Variants in FRY observed in about 807,000 individuals in gnomAD.
FRY encodes FRY microtubule binding protein, also known as protein furry homolog.
A neutral mutation model predicts 348.4 loss-of-function variants in FRY; 128 were observed. That is an observed-to-expected ratio of 0.37 (90% confidence interval 0.32 to 0.43). FRY has a LOEUF of 0.43. Among genes scored for constraint, FRY ranks in the 20% least tolerant of loss-of-function variants. FRY has a pLI of 1.00. For synonymous variants in FRY, 1,370 were observed against 1,374.7 expected (o/e 1.00, Z 0.08); for missense variants, 2,736 against 3,695.2 (o/e 0.74, Z 6.73).
At chr13:32,227,106 G>T (rs1311504357) in intron 39 of FRY, among the ~76,000 whole-genome samples, 5 of 152,104 alleles carry the variant, frequency 3.3e-5, no homozygotes, top group Non-Finnish European at 7.4e-5. Flanking sequence ...CACTGATATG[G>T]TATAAATGAT....
At chr13:32,050,645 G>A (rs1415914450) in intron 1 of FRY, among the ~76,000 whole-genome samples, 2 of 152,174 alleles carry the variant, frequency 1.3e-5, no homozygotes, top group Non-Finnish European at 2.9e-5. Context: ...AGTTGAATCA[G>A]ATTCTCCCAG....
chr13:32,052,292 C>T (rs1191538544), intron 1 of FRY, among the ~76,000 whole-genome samples: 3 of 152,134 alleles, frequency 2.0e-5, no homozygotes, highest in Non-Finnish European at 4.4e-5. Context: ...ATATATATGA[C>T]TACATGCATT....
intron 1 of FRY, among the ~76,000 whole-genome samples, chr13:32,054,831 C>T (rs927686551): frequency 1.1e-4 from 16 of 152,022 alleles, no homozygotes; most frequent in Admixed American, 9.2e-4. Context: ...GCTGAGATTG[C>T]GCCACTGCAC....
chr13:32,223,679 G>A (rs1885433603), intron 36 of FRY, among the ~76,000 whole-genome samples: 1 of 152,102 alleles, frequency 6.6e-6, no homozygotes, highest in South Asian at 2.1e-4. Flanking sequence ...CTAGCTACTT[G>A]GGAGGCTAAG....
At chr13:32,143,470 T>C (rs990876719) in intron 11 of FRY, among the ~76,000 whole-genome samples, 4 of 152,094 alleles carry the variant, frequency 2.6e-5, no homozygotes, top group African/African-American at 9.7e-5. Context: ...AATAAGATGC[T>C]AGAAAAATGG....
intron 2 of FRY, among the ~76,000 whole-genome samples, chr13:32,098,759 C>T (rs766951716): frequency 2.6e-5 from 4 of 152,014 alleles, no homozygotes; most frequent in Non-Finnish European, 4.4e-5. Context: ...GCATTTGACG[C>T]ATTGTGAACC....
intron 51 of FRY, among the ~76,000 whole-genome samples, chr13:32,259,847 TC>T (rs1887538734): frequency 6.6e-6 from 1 of 152,132 alleles, no homozygotes; most frequent in East Asian, 1.9e-4. Flanking sequence ...TTAGCCATTT[TC>T]TACCAAAAAA....
intron 57 of FRY, 124 bp from the exon 58 acceptor site, chr13:32,278,341 T>A: frequency 2.8e-6 from 2 of 702,854 alleles, no homozygotes; most frequent in Non-Finnish European, 5.3e-6. Context: ...CAAAAAGTCA[T>A]TACAGCACAA....
chr13:32,072,889 C>T (rs991245926), intron 1 of FRY, among the ~76,000 whole-genome samples: 1 of 152,196 alleles, frequency 6.6e-6, no homozygotes, highest in African/African-American at 2.4e-5. Context: ...AAAGAAATCT[C>T]ATAATTTACT....
Position 32,239,420 on chromosome 13 carries a change from A to T in FRY, c.6516+71A>T. ...AGGACGCCCTAGTGTCAGGCAAATT[A>T]CAAGGCCCAGAGATGGCAGTGATTT... is the stretch of plus-strand genomic sequence containing the variant. On this transcript the variant is annotated intron_variant, in intron 45 of 60. Coordinates refer to ENST00000542859, the MANE Select transcript of FRY (RefSeq NM_023037.3). This position sits in a 1 kb window ranked among gnomAD's most constrained non-coding sequence, Gnocchi z 4.3. 1 of 908,456 alleles carries T rather than the reference A, an allele frequency of 1.1e-6. No individual in the cohort carries two copies. Among genetic ancestry groups the T allele is most frequent in the African/African-American group, 1.6e-5 (1 of 61,684 alleles). 56.3% of individuals were successfully genotyped at this position (908,456 alleles called of 1,614,324 possible).
chr13:32,136,309 T>C (rs1298981065), intron 10 of FRY, among the ~76,000 whole-genome samples: 2 of 152,192 alleles, frequency 1.3e-5, no homozygotes, highest in African/African-American at 2.4e-5. Flanking sequence ...CTCTGTTTAT[T>C]TGGTCATAAG....
intron 11 of FRY, among the ~76,000 whole-genome samples, chr13:32,137,756 A>G (rs1879812558): frequency 6.6e-6 from 1 of 152,214 alleles, no homozygotes; most frequent in South Asian, 2.1e-4. Flanking sequence ...TTCTTTTACC[A>G]GTTTGATATT....
At chr13:32,262,612 A>G (rs1248991028) in intron 53 of FRY, 137 bp downstream of exon 53, 2 of 735,044 alleles carry the variant, frequency 2.7e-6, no homozygotes, top group Non-Finnish European at 4.6e-6. Context: ...CTTTTTTAAA[A>G]TAATAGAAGT....
At chr13:32,104,492 A>C (rs1877407444) in intron 3 of FRY, among the ~76,000 whole-genome samples, 1 of 152,250 alleles carries the variant, frequency 6.6e-6, no homozygotes, top group Non-Finnish European at 1.5e-5. Context: ...TATTAAAGAC[A>C]CTTTAAGTGT....
chr13:32,121,900 T>C (rs1878680490), intron 4 of FRY, among the ~76,000 whole-genome samples: 1 of 152,224 alleles, frequency 6.6e-6, no homozygotes. Flanking sequence ...TCTAGAATTT[T>C]TATAGTTTCA....
At position 32,295,586 on chromosome 13, in the gene FRY, G is replaced by T; in HGVS notation, c.*126G>T. 2 of 891,830 alleles carry T rather than the reference G, an allele frequency of 2.2e-6. No individual in the cohort carries two copies. Among genetic ancestry groups the T allele is most frequent in the South Asian group, 2.8e-5 (2 of 70,908 alleles). 55.2% of individuals were successfully genotyped at this position (891,830 alleles called of 1,614,324 possible). ...TGTTCTCCCTCTTGTTACCTGTAGG[G>T]CTTTTTCTAAAGAGGATGGCAGAAC... On this transcript the variant is annotated 3_prime_UTR_variant, in exon 61 of 61. Transcript: ENST00000542859.
At position 32,173,432 on chromosome 13, in the gene FRY, C is replaced by T. The variant is rs116019557; in HGVS notation, c.2217C>T (p.His739=). 1,836 of 1,612,610 alleles carry T rather than the reference C, an allele frequency of 1.1e-3. 20 individuals carry two copies. In the African/African-American group the frequency reaches 0.022, roughly 19 times the overall value. The change falls in exon 19 of 61, where the codon CAC becomes CAT. Residue 739 remains histidine, a synonymous_variant. Coordinates refer to ENST00000542859, the MANE Select transcript of FRY (RefSeq NM_023037.3). ...GAGGTCCCCACTGCAGTGTACTCCACGCTGTAGAAGGTTTTGCTCTGGTTT... is the reference window on the plus strand; with the variant it reads ...GAGGTCCCCACTGCAGTGTACTCCATGCTGTAGAAGGTTTTGCTCTGGTTT... ...SERGPHCSVL[H]AVEGFALVLL...
chr13:32,031,959 G>A (rs1285269331), intron 1 of FRY, 94 bp downstream of exon 1: 3 of 727,484 alleles, frequency 4.1e-6, no homozygotes, highest in African/African-American at 3.6e-5. Flanking sequence ...ATATGTTTGT[G>A]AGCCGCGGAA....
At chr13:32,084,273 AT>A (rs1316736076) in intron 2 of FRY, among the ~76,000 whole-genome samples, 3 of 152,188 alleles carry the variant, frequency 2.0e-5, no homozygotes, top group Non-Finnish European at 4.4e-5. Context: ...CTCTGATCTC[AT>A]CTGTGAATCT....
Sources: gnomAD v4.1 joint callset for allele counts (sites outside exome capture counted in the v4.1 genomes callset) on GRCh38, gnomAD v4.1.1 for gene constraint, Gnocchi (gnomAD v3.1) non-coding constraint, MANE v1.5 for transcripts, NCBI Gene and HGNC (gene_info 2026-07-23, HGNC 2026-07-21) for gene names.